The following FRMD4A variants were observed in gnomAD, a reference collection of about 807,000 sequenced individuals.
The protein encoded by FRMD4A is FERM domain-containing protein 4A.
FRMD4A carries 29 observed loss-of-function variants against 129.1 expected under a neutral mutation model. The ratio of observed to expected loss-of-function variants is 0.22; its 90% CI spans 0.17 to 0.31. FRMD4A has a LOEUF of 0.31. FRMD4A is among the 10% of genes least tolerant of loss of function. The pLI, the probability that FRMD4A is intolerant of heterozygous loss-of-function variation, is 1.00. For synonymous variants in FRMD4A, 634 were observed against 571.6 expected (o/e 1.11, Z -1.56); for missense variants, 1,272 against 1,375.8 (o/e 0.92, Z 1.19).
chr10:14,229,933 A>G (rs181464979), intron 2 of FRMD4A, among the ~76,000 whole-genome samples: 40 of 152,326 alleles, frequency 2.6e-4, no homozygotes, highest in Admixed American at 6.5e-4. Context: ...TGTCCTATGA[A>G]CTATAAAAGT....
chr10:13,754,567 CGT>C (rs56304219), intron 8 of FRMD4A, among the ~76,000 whole-genome samples: 9,593 of 147,792 alleles, frequency 0.065, 351 homozygotes, highest in South Asian at 0.14. Context: ...ACAATTCTTT[CGT>C]GTGTGTGTGT....
intron 2 of FRMD4A, among the ~76,000 whole-genome samples, chr10:14,172,722 G>A (rs1841540159): frequency 6.6e-6 from 1 of 152,148 alleles, no homozygotes; most frequent in South Asian, 2.1e-4. Flanking sequence ...GCTGTGGTAG[G>A]GGATCATGAA....
chr10:13,762,158 A>T (rs1309425569), intron 7 of FRMD4A, among the ~76,000 whole-genome samples: 4 of 152,224 alleles, frequency 2.6e-5, no homozygotes, highest in Non-Finnish European at 5.9e-5. Flanking sequence ...TAAAGAAATG[A>T]TATCATTTTA....
chr10:13,910,261 G>A (rs929809462), intron 2 of FRMD4A, among the ~76,000 whole-genome samples: 5 of 152,176 alleles, frequency 3.3e-5, no homozygotes, highest in African/African-American at 1.2e-4. Flanking sequence ...AGACTGCCTA[G>A]CTGCCATGTG....
At chr10:13,663,895 T>G (rs1267109094) in intron 18 of FRMD4A, among the ~76,000 whole-genome samples, 1 of 152,260 alleles carries the variant, frequency 6.6e-6, no homozygotes, top group Non-Finnish European at 1.5e-5. Context: ...CTGCTTTTGA[T>G]TCTACAAATG....
chr10:14,285,752 C>T (rs1845661438), intron 2 of FRMD4A, among the ~76,000 whole-genome samples: 1 of 152,208 alleles, frequency 6.6e-6, no homozygotes, highest in South Asian at 2.1e-4. Flanking sequence ...TTGTTGACTT[C>T]CTTCCCCTTT....
intron 6 of FRMD4A, among the ~76,000 whole-genome samples, chr10:13,780,645 T>C (rs2092710467): frequency 6.6e-6 from 1 of 152,148 alleles, no homozygotes; most frequent in South Asian, 2.1e-4. Flanking sequence ...CTCACACCCA[T>C]TGGGATGGTC....
At position 14,210,506 on chromosome 10, in the gene FRMD4A, C is replaced by T. The variant is rs139317236; in HGVS notation, c.45+119552G>A. Among the ~76,000 whole-genome samples the T allele has an allele frequency of 3.6e-3, 545 of 152,280 alleles. 1 individual carries two copies. The highest frequency in any genetic ancestry group is 6.2e-3 in the Non-Finnish European group (420 of 68,004). On this transcript the variant is annotated intron_variant, in intron 2 of 24. Transcript: ENST00000357447. ...ATGAGGTCCCTGAACACATACCCTGCAATACCCTGCCTTCTTATATTTGCT... is the reference window on the plus strand; with the variant it reads ...ATGAGGTCCCTGAACACATACCCTGTAATACCCTGCCTTCTTATATTTGCT...
chr10:13,891,585 C>A (rs2094697297), intron 2 of FRMD4A: 1 of 984,840 alleles, frequency 1.0e-6, no homozygotes, highest in South Asian at 4.7e-5. Flanking sequence ...CCGTCAGTCG[C>A]CTCCCTGCCA....
chr10:14,022,856 G>A (rs1013709375), intron 2 of FRMD4A, among the ~76,000 whole-genome samples: 1 of 152,152 alleles, frequency 6.6e-6, no homozygotes, highest in Non-Finnish European at 1.5e-5. Flanking sequence ...AGGAGCCTGC[G>A]GGTAGGGGAA....
intron 15 of FRMD4A, chr10:13,685,695 C>T (rs547971241): frequency 5.4e-4 from 514 of 958,446 alleles, no homozygotes; most frequent in Non-Finnish European, 5.8e-4. Context: ...ACAGTCCTAC[C>T]CAGTCAGGAG....
At chr10:13,677,671 C>A (rs983902440) in intron 15 of FRMD4A, among the ~76,000 whole-genome samples, 2 of 152,188 alleles carry the variant, frequency 1.3e-5, no homozygotes, top group Admixed American at 1.3e-4. Context: ...GCTTACCAAT[C>A]CTAAATTGTC....
chr10:13,689,198 CGGGGGG>C (rs61670615), intron 15 of FRMD4A, among the ~76,000 whole-genome samples: 5 of 68,066 alleles, frequency 7.3e-5, no homozygotes, highest in South Asian at 8.2e-4. Flanking sequence ...AAACTCTTTG[CGGGGGG>C]GGGGGGGGGG....
chr10:14,227,742 A>C lies in FRMD4A; in HGVS notation c.45+102316T>G, dbSNP rs138182782. Among the ~76,000 whole-genome samples the C allele has an allele frequency of 6.7e-3, 1,015 of 152,296 alleles. 4 individuals carry two copies. The highest frequency in any genetic ancestry group is 0.011 in the Non-Finnish European group (721 of 68,022). ...GAAGCTCTAGGATGCATGAGATGCTATTGGTCACACAGTCGCATCTCTAGA... is the reference window on the plus strand; with the variant it reads ...GAAGCTCTAGGATGCATGAGATGCTCTTGGTCACACAGTCGCATCTCTAGA... On this transcript the variant is annotated intron_variant, in intron 2 of 24. Transcript: ENST00000357447.
At chr10:13,945,991 C>A (rs2095328515) in intron 2 of FRMD4A, among the ~76,000 whole-genome samples, 1 of 152,198 alleles carries the variant, frequency 6.6e-6, no homozygotes, top group Non-Finnish European at 1.5e-5. Flanking sequence ...CTAGGAGTTG[C>A]CTTCTTGCGT....
At chr10:13,905,276 C>T (rs1211145340) in intron 2 of FRMD4A, among the ~76,000 whole-genome samples, 1 of 152,140 alleles carries the variant, frequency 6.6e-6, no homozygotes, top group Non-Finnish European at 1.5e-5. Flanking sequence ...TTGAAATAGA[C>T]ATGCTTCCAT....
chr10:14,279,182 A>ATTTTTTTTT (rs1223887250), intron 2 of FRMD4A, among the ~76,000 whole-genome samples: 128 of 99,612 alleles, frequency 1.3e-3, no homozygotes, highest in East Asian at 1.7e-3. Context: ...AGGAAGCGGG[A>ATTTTTTTTT]TTTTTTTTTT....
chr10:13,965,925 C>T (rs1235945443), intron 2 of FRMD4A, among the ~76,000 whole-genome samples: 2 of 152,162 alleles, frequency 1.3e-5, no homozygotes, highest in African/African-American at 2.4e-5. Flanking sequence ...AACACACATT[C>T]CTTTTCTGAA....
At chr10:13,824,858 G>A (rs1365220868) in intron 3 of FRMD4A, among the ~76,000 whole-genome samples, 1 of 136,922 alleles carries the variant, frequency 7.3e-6, no homozygotes, top group Non-Finnish European at 1.5e-5. Context: ...TTGTGCCATT[G>A]CACTCCAGCC....
Sources: gnomAD v4.1 joint callset for allele counts (sites outside exome capture counted in the v4.1 genomes callset) on GRCh38, gnomAD v4.1.1 for gene constraint, MANE v1.5 for transcripts, NCBI Gene and HGNC (gene_info 2026-07-23, HGNC 2026-07-21) for gene names.